Variants in EPS15 observed in about 807,000 individuals in gnomAD.
EPS15 encodes epidermal growth factor receptor pathway substrate 15.
A neutral mutation model predicts 113.8 loss-of-function variants in EPS15; 72 were observed. The ratio of observed to expected loss-of-function variants is 0.63; its 90% confidence interval spans 0.52 to 0.77. The LOEUF is 0.77. EPS15 is among the 30% of genes least tolerant of loss of function. The pLI is 0.00. For synonymous variants in EPS15, 344 were observed against 363.4 expected (o/e 0.95, Z 0.61); for missense variants, 1,048 against 1,045.8 (o/e 1.00, Z -0.03).
At chr1:51,484,717 A>G (rs182547528) in intron 1 of EPS15, among the ~76,000 whole-genome samples, 1 of 152,340 alleles carries the variant, frequency 6.6e-6, no homozygotes, top group Non-Finnish European at 1.5e-5. Flanking sequence ...ACCATGGGCA[A>G]TTAACTCTGT....
chr1:51,403,438 T>C lies in EPS15; in HGVS notation c.1772A>G (p.Asn591Ser), dbSNP rs1454060750. ...VTEKVCSELDNNRHSKEEDPF... is the reference protein window; with the variant it reads ...VTEKVCSELDSNRHSKEEDPF... ...TTTTACCTCTTTTGAATGTCTATTA[T>C]TGTCGAGTTCAGAACAAACTTTTTC... The change falls in exon 17 of 25, where the codon AAT (asparagine) becomes AGT (serine). Residue 591 changes from asparagine (N) to serine (S), a missense_variant. Asn to Ser is a conservative substitution (Grantham distance 46). Coordinates refer to ENST00000371733, the MANE Select transcript of EPS15 (RefSeq NM_001981.3). 1.9e-6 allele frequency: 3 copies of C among 1,599,400 alleles called. No individual in the cohort carries two copies. Among genetic ancestry groups the C allele is most frequent in the African/African-American group, 1.3e-5 (1 of 74,666 alleles).
chr1:51,423,657 T>G, intron 12 of EPS15: 1 of 985,306 alleles, frequency 1.0e-6, no homozygotes, highest in Non-Finnish European at 1.2e-6. Flanking sequence ...ACATTTGTAC[T>G]GAATTCTTTC....
At position 51,515,523 on chromosome 1, in the gene EPS15, C is replaced by G. The variant is rs149955726; in HGVS notation, c.33+3676G>C. On this transcript the variant is annotated intron_variant, in intron 1 of 24. Coordinates refer to ENST00000371733, the MANE Select transcript of EPS15 (RefSeq NM_001981.3). ...TCTTGCTAAACTAAAGCAAGAAAAC[C>G]AGTATAAAGCTGAATTGCTAAAAGA... Among the ~76,000 whole-genome samples the G allele has an allele frequency of 1.6e-3, 243 of 151,900 alleles. 1 individual carries two copies. Among genetic ancestry groups the G allele is most frequent in the African/African-American group, 5.6e-3 (232 of 41,488 alleles).
At chr1:51,494,436 G>GC (rs1300392192) in intron 1 of EPS15, among the ~76,000 whole-genome samples, 1 of 152,078 alleles carries the variant, frequency 6.6e-6, no homozygotes, top group Admixed American at 6.6e-5. Flanking sequence ...TAATTCTCCT[G>GC]CCAATAACCT....
chr1:51,501,837 A>G (rs1368488876), intron 1 of EPS15, among the ~76,000 whole-genome samples: 3 of 151,918 alleles, frequency 2.0e-5, no homozygotes, highest in African/African-American at 7.3e-5. Context: ...TGAACTTCCC[A>G]CCCCCTGGTT....
chr1:51,517,038 T>C (rs188158060), intron 1 of EPS15, among the ~76,000 whole-genome samples: 1 of 152,126 alleles, frequency 6.6e-6, no homozygotes, highest in Non-Finnish European at 1.5e-5. Context: ...ATTGTTATCT[T>C]AGTGTATTGG....
chr1:51,366,211 G>A (rs1042481386), intron 21 of EPS15, among the ~76,000 whole-genome samples, 182 bp from the exon 22 acceptor site: 1 of 152,094 alleles, frequency 6.6e-6, no homozygotes. Context: ...GGGACTACGG[G>A]TATGCACCAC....
chr1:51,399,448 A>T (rs1281497358), intron 19 of EPS15, among the ~76,000 whole-genome samples: 1 of 151,980 alleles, frequency 6.6e-6, no homozygotes, highest in Non-Finnish European at 1.5e-5. Flanking sequence ...GCTACTCGGG[A>T]GGCTGAGGTG....
chr1:51,428,871 G>T (rs116822013), intron 12 of EPS15, among the ~76,000 whole-genome samples: 4,774 of 149,498 alleles, frequency 0.032, 125 homozygotes, highest in Non-Finnish European at 0.05. Flanking sequence ...GCAGAGGAGA[G>T]AATGGAGCTG....
intron 21 of EPS15, among the ~76,000 whole-genome samples, chr1:51,384,294 C>CTTTTTTTTTTTTTTTTTTT (rs201374174): frequency 3.0e-5 from 3 of 98,524 alleles, no homozygotes; most frequent in African/African-American, 1.2e-4. Flanking sequence ...CTTTTTCTTT[C>CTTTTTTTTTTTTTTTTTTT]TTTCTTTTTT....
chr1:51,518,772 G>C (rs1157201877), intron 1 of EPS15, among the ~76,000 whole-genome samples: 3 of 151,856 alleles, frequency 2.0e-5, no homozygotes, highest in Non-Finnish European at 4.4e-5. Context: ...GGCGAGCCTC[G>C]TGCGGCCCGG....
intron 14 of EPS15, 77 bp downstream of exon 14, chr1:51,409,458 T>C: frequency 1.5e-6 from 2 of 1,374,998 alleles, no homozygotes; most frequent in Non-Finnish European, 2.0e-6. Context: ...TAACAAAAAG[T>C]AGAGAATGTT....
At chr1:51,477,787 A>G (rs1480815770) in intron 2 of EPS15, among the ~76,000 whole-genome samples, 8 of 151,956 alleles carry the variant, frequency 5.3e-5, no homozygotes, top group Non-Finnish European at 7.4e-5. Context: ...TTAATCCTGA[A>G]TTCTAGTTTG....
chr1:51,369,788 T>G (rs561765893), intron 21 of EPS15, among the ~76,000 whole-genome samples: 1 of 152,332 alleles, frequency 6.6e-6, no homozygotes, highest in East Asian at 1.9e-4. Flanking sequence ...ATTTGTTCAT[T>G]GCCTATCTTT....
intron 1 of EPS15, among the ~76,000 whole-genome samples, chr1:51,482,076 G>C (rs1208930123): frequency 6.6e-6 from 1 of 152,136 alleles, no homozygotes; most frequent in Non-Finnish European, 1.5e-5. Context: ...AGGCTGAGGT[G>C]GGAGAACTGC....
At chr1:51,392,187 G>A (rs960774416) in intron 21 of EPS15, among the ~76,000 whole-genome samples, 1 of 152,210 alleles carries the variant, frequency 6.6e-6, no homozygotes, top group African/African-American at 2.4e-5. Context: ...GACCTCATTT[G>A]AATTGGATAC....
intron 21 of EPS15, among the ~76,000 whole-genome samples, chr1:51,392,448 C>T (rs1296526565): frequency 6.6e-6 from 1 of 152,122 alleles, no homozygotes; most frequent in Admixed American, 6.5e-5. Flanking sequence ...ATCATTTATT[C>T]TACCACTTTA....
intron 12 of EPS15, chr1:51,423,843 G>T (rs1414044050): frequency 3.0e-6 from 1 of 329,418 alleles, no homozygotes; most frequent in Non-Finnish European, 4.3e-6. Flanking sequence ...AAAGGACTCA[G>T]CTCTAAACAG....
At chr1:51,487,912 T>C (rs936647646) in intron 1 of EPS15, among the ~76,000 whole-genome samples, 22 of 152,176 alleles carry the variant, frequency 1.4e-4, no homozygotes, top group African/African-American at 4.8e-4. Context: ...TTTGTTGTTA[T>C]TGTCGGACTA....
Sources: allele counts gnomAD v4.1 joint callset (sites outside exome capture counted in the v4.1 genomes callset), GRCh38; gene constraint gnomAD v4.1.1; transcripts MANE v1.5; gene names NCBI Gene and HGNC (gene_info 2026-07-23, HGNC 2026-07-21).